SPAG16: variants seen among roughly 807,000 people sequenced by gnomAD.
SPAG16 encodes sperm-associated antigen 16 protein.
SPAG16 carries 86 observed loss-of-function variants against 80.4 expected under a neutral mutation model. That is an observed-to-expected ratio of 1.07 (90% CI 0.90 to 1.28). SPAG16 has a LOEUF of 1.28. SPAG16 is among the 50% of genes most tolerant of loss of function. The pLI, the probability that SPAG16 is intolerant of heterozygous loss-of-function variation, is 0.00. For synonymous variants in SPAG16, 294 were observed against 265.9 expected (o/e 1.11, Z -1.03); for missense variants, 870 against 765.3 (o/e 1.14, Z -1.61).
chr2:213,692,843 C>T (rs1328833632), intron 10 of SPAG16, among the ~76,000 whole-genome samples: 1 of 150,280 alleles, frequency 6.7e-6, no homozygotes, highest in Non-Finnish European at 1.5e-5. Flanking sequence ...AAAGTTTTAT[C>T]TTGAAAACTA....
intron 10 of SPAG16, among the ~76,000 whole-genome samples, chr2:213,857,318 G>T (rs2075220116): frequency 6.6e-6 from 1 of 152,174 alleles, no homozygotes; most frequent in South Asian, 2.1e-4. Flanking sequence ...TCAATGCTTG[G>T]CTTCAACAAC....
intron 12 of SPAG16, among the ~76,000 whole-genome samples, chr2:213,988,111 A>G (rs2046107626): frequency 6.6e-6 from 1 of 151,980 alleles, no homozygotes; most frequent in Admixed American, 6.6e-5. Context: ...AACTGCCTAA[A>G]CTGTTCCAAG....
intron 15 of SPAG16, among the ~76,000 whole-genome samples, chr2:214,404,256 T>TGA (rs1285874242): frequency 7.2e-5 from 11 of 152,192 alleles, no homozygotes; most frequent in Non-Finnish European, 2.9e-5. Context: ...AAAAGAGCAC[T>TGA]GATTTAGGTG....
intron 15 of SPAG16, among the ~76,000 whole-genome samples, chr2:214,389,745 T>C (rs1700960003): frequency 6.6e-6 from 1 of 152,248 alleles, no homozygotes; most frequent in Non-Finnish European, 1.5e-5. Flanking sequence ...ATTTTTTGAA[T>C]CCATTTTTAC....
At chr2:214,327,357 T>C in intron 15 of SPAG16, among the ~76,000 whole-genome samples, 1 of 152,334 alleles carries the variant, frequency 6.6e-6, no homozygotes, top group East Asian at 1.9e-4. Context: ...GCAGTGAGAC[T>C]TTGGCCAAGT....
At chr2:214,402,697 G>GT (rs1291017346) in intron 15 of SPAG16, among the ~76,000 whole-genome samples, 2 of 151,770 alleles carry the variant, frequency 1.3e-5, no homozygotes, top group Non-Finnish European at 2.9e-5. Flanking sequence ...ATGTGGAAGT[G>GT]TTTTTTCTGC....
At chr2:213,675,094 A>G (rs555364767) in intron 10 of SPAG16, among the ~76,000 whole-genome samples, 133 of 151,632 alleles carry the variant, frequency 8.8e-4, no homozygotes, top group Middle Eastern at 3.4e-3. Context: ...GTGTGAGATG[A>G]TATCTCACTG....
intron 13 of SPAG16, among the ~76,000 whole-genome samples, chr2:214,015,223 A>G (rs993571536): frequency 6.6e-6 from 1 of 152,114 alleles, no homozygotes; most frequent in African/African-American, 2.4e-5. Context: ...GACCCACTTC[A>G]TGGTCAGTGG....
At chr2:213,312,952 A>G (rs879047557) in intron 4 of SPAG16, among the ~76,000 whole-genome samples, 1 of 151,808 alleles carries the variant, frequency 6.6e-6, no homozygotes, top group Admixed American at 6.6e-5. Context: ...TGTACAGGAA[A>G]TATGTGTGGT....
At chr2:214,325,731 T>C (rs1696426605) in intron 15 of SPAG16, among the ~76,000 whole-genome samples, 1 of 152,174 alleles carries the variant, frequency 6.6e-6, no homozygotes, top group African/African-American at 2.4e-5. Flanking sequence ...TAGCTTTTTT[T>C]TTTTACATGT....
chr2:214,002,390 T>G (rs960753688), intron 12 of SPAG16, among the ~76,000 whole-genome samples: 1 of 152,124 alleles, frequency 6.6e-6, no homozygotes, highest in Non-Finnish European at 1.5e-5. Flanking sequence ...AGTGAACACA[T>G]GGATAAAATG....
intron 11 of SPAG16, among the ~76,000 whole-genome samples, chr2:213,883,834 C>T (rs2106040298): frequency 6.6e-6 from 1 of 152,168 alleles, no homozygotes; most frequent in South Asian, 2.1e-4. Context: ...ATAGTGACTC[C>T]TGTACTTTTA....
chr2:213,576,957 G>T (rs181174721), intron 10 of SPAG16, among the ~76,000 whole-genome samples: 1 of 152,056 alleles, frequency 6.6e-6, no homozygotes, highest in East Asian at 1.9e-4. Flanking sequence ...GTTTACATAG[G>T]TTACATAGGT....
At position 213,841,425 on chromosome 2, in the gene SPAG16, C is replaced by T. The variant is rs1192981535; in HGVS notation, c.1071-21060C>T. ...ATTTTCCTAATGCATCTTAATGTCA[C>T]TTTTTTTTCCAGAAAAATTCTCTAA... On this transcript the variant is annotated intron_variant, in intron 10 of 15. Transcript: ENST00000331683. 3.9e-5 allele frequency among the ~76,000 whole-genome samples: 6 copies of T among 152,064 alleles called. No individual in the cohort carries two copies. The East Asian group carries it at 1.2e-3, about 29-fold the overall frequency.
intron 15 of SPAG16, among the ~76,000 whole-genome samples, chr2:214,376,502 TA>T (rs200460757): frequency 1.3e-5 from 2 of 151,106 alleles, no homozygotes; most frequent in Non-Finnish European, 3.0e-5. Flanking sequence ...TATGGCAATC[TA>T]AAAAAAAACA....
At chr2:213,804,780 G>T (rs893371217) in intron 10 of SPAG16, among the ~76,000 whole-genome samples, 6 of 152,198 alleles carry the variant, frequency 3.9e-5, no homozygotes, top group Admixed American at 3.9e-4. Context: ...GCGGGATGGT[G>T]AGAATAAGAA....
At chr2:214,218,218 T>C (rs1456567433) in intron 15 of SPAG16, among the ~76,000 whole-genome samples, 2 of 152,118 alleles carry the variant, frequency 1.3e-5, no homozygotes, top group East Asian at 1.9e-4. Flanking sequence ...GGTTGAAGCA[T>C]AGGAAAAAAA....
At chr2:213,286,401 T>A (rs998620190) in intron 1 of SPAG16, among the ~76,000 whole-genome samples, 1 of 152,160 alleles carries the variant, frequency 6.6e-6, no homozygotes, top group Non-Finnish European at 1.5e-5. Context: ...CAACTCTCAG[T>A]TGAAATGAAG....
At position 213,891,609 on chromosome 2, in the gene SPAG16, T is replaced by C. The variant is rs192741952; in HGVS notation, c.1214+28981T>C. On this transcript the variant is annotated intron_variant, in intron 11 of 15. Coordinates refer to ENST00000331683, the MANE Select transcript of SPAG16 (RefSeq NM_024532.5). ...TCATAGGAGGCTTCCAGTTCCAAAA[T>C]TGTGATGTAGATGGAACCTGGCTTC... is the stretch of plus-strand genomic sequence containing the variant. 6.8e-4 allele frequency among the ~76,000 whole-genome samples: 103 copies of C among 152,194 alleles called. 1 individual carries two copies. The Middle Eastern group carries it at 0.017, about 25-fold the overall frequency.
Sources: gnomAD v4.1 joint callset for allele counts (sites outside exome capture counted in the v4.1 genomes callset) on GRCh38, gnomAD v4.1.1 for gene constraint, MANE v1.5 for transcripts, NCBI Gene and HGNC (gene_info 2026-07-23, HGNC 2026-07-21) for gene names.